RBFOX1: variants seen among roughly 807,000 people sequenced by gnomAD.
RBFOX1 encodes RNA binding protein fox-1 homolog 1.
RBFOX1 carries 8 observed loss-of-function variants against 57.7 expected under a neutral mutation model. The observed-to-expected ratio is 0.14, with a 90% CI of 0.08 to 0.25. The LOEUF is 0.25. Among genes scored for constraint, RBFOX1 ranks in the 10% least tolerant of loss-of-function variants. RBFOX1 has a pLI of 1.00. For missense variants in RBFOX1, 611 were observed against 548.5 expected (o/e 1.11, Z -1.14); for synonymous variants, 326 against 222.4 (o/e 1.47, Z -4.15).
At chr16:7,437,374 C>T (rs1362025339) in intron 4 of RBFOX1, among the ~76,000 whole-genome samples, 1 of 151,738 alleles carries the variant, frequency 6.6e-6, no homozygotes, top group Admixed American at 6.6e-5. Flanking sequence ...CTACTTCCAT[C>T]GCACAGTGAA....
At chr16:7,152,381 C>T (rs1386293990) in intron 4 of RBFOX1, among the ~76,000 whole-genome samples, 1 of 152,300 alleles carries the variant, frequency 6.6e-6, no homozygotes, top group Admixed American at 6.5e-5. Context: ...TGGTTGCATC[C>T]AGTACCTAAT....
intron 4 of RBFOX1, among the ~76,000 whole-genome samples, chr16:7,192,248 C>G (rs2085579928): frequency 6.6e-6 from 1 of 152,192 alleles, no homozygotes; most frequent in Admixed American, 6.5e-5. Flanking sequence ...TCTTGGTAGC[C>G]TGTTGATGTT....
intron 4 of RBFOX1, among the ~76,000 whole-genome samples, chr16:7,128,092 C>T (rs1321162264): frequency 6.6e-6 from 1 of 152,218 alleles, no homozygotes; most frequent in East Asian, 1.9e-4. Flanking sequence ...AGTGATGCAG[C>T]AGCTCCAGGC....
intron 4 of RBFOX1, among the ~76,000 whole-genome samples, chr16:7,222,074 T>C (rs1342629549): frequency 6.6e-6 from 1 of 152,218 alleles, no homozygotes; most frequent in African/African-American, 2.4e-5. Context: ...TTTTGAATAC[T>C]CTGTGTCACT....
chr16:5,937,293 A>G (rs1269678320), intron 4 of RBFOX1, among the ~76,000 whole-genome samples: 1 of 152,198 alleles, frequency 6.6e-6, no homozygotes, highest in Non-Finnish European at 1.5e-5. Context: ...CAAACTTGGC[A>G]AACACTGGAA....
At chr16:6,417,100 C>T (rs1287783951) in intron 2 of RBFOX1, among the ~76,000 whole-genome samples, 1 of 152,158 alleles carries the variant, frequency 6.6e-6, no homozygotes, top group African/African-American at 2.4e-5. Flanking sequence ...CATCCTCTGC[C>T]TCCCGGGTTC....
intron 2 of RBFOX1, among the ~76,000 whole-genome samples, chr16:5,573,264 G>T (rs1482142722): frequency 6.6e-6 from 1 of 152,164 alleles, no homozygotes; most frequent in East Asian, 1.9e-4. Context: ...GGCTGCTGGT[G>T]GGGACGCTGT....
At chr16:6,829,167 C>T (rs530358750) in intron 3 of RBFOX1, among the ~76,000 whole-genome samples, 5 of 148,682 alleles carry the variant, frequency 3.4e-5, no homozygotes, top group African/African-American at 1.2e-4. Context: ...GTAGAAGTTT[C>T]AAGAAACCAA....
chr16:6,645,886 C>G (rs1437985031), intron 2 of RBFOX1, among the ~76,000 whole-genome samples: 3 of 152,124 alleles, frequency 2.0e-5, no homozygotes, highest in African/African-American at 7.2e-5. Context: ...CAAACTCGGC[C>G]TCCTTGTGCA....
chr16:6,837,182 A>T (rs1025153735), intron 3 of RBFOX1, among the ~76,000 whole-genome samples: 1 of 152,366 alleles, frequency 6.6e-6, no homozygotes, highest in Non-Finnish European at 1.5e-5. Context: ...AAATAACTAA[A>T]ATCAGGTTAG....
intron 3 of RBFOX1, among the ~76,000 whole-genome samples, chr16:6,658,321 A>T (rs1428978864): frequency 6.7e-6 from 1 of 149,576 alleles, no homozygotes; most frequent in Non-Finnish European, 1.5e-5. Flanking sequence ...GCTCATTGCA[A>T]CCTCCGCCTC....
intron 1 of RBFOX1, among the ~76,000 whole-genome samples, chr16:5,264,508 G>A (rs1422995992): frequency 6.6e-6 from 1 of 152,206 alleles, no homozygotes; most frequent in Non-Finnish European, 1.5e-5. Context: ...GCCCATTGGT[G>A]AAAGACCACC....
At chr16:5,589,659 G>C (rs554820131) in intron 2 of RBFOX1, among the ~76,000 whole-genome samples, 1 of 152,312 alleles carries the variant, frequency 6.6e-6, no homozygotes, top group Admixed American at 6.5e-5. Context: ...GTAACCTTTG[G>C]CAAAGTCCAT....
chr16:7,285,450 A>T (rs1176254722), intron 4 of RBFOX1, among the ~76,000 whole-genome samples: 3 of 151,872 alleles, frequency 2.0e-5, no homozygotes, highest in Non-Finnish European at 4.4e-5. Context: ...ATTTTACCGC[A>T]CATGTAGGTC....
At chr16:6,243,561 C>T (rs746893862) in intron 1 of RBFOX1, among the ~76,000 whole-genome samples, 1 of 152,168 alleles carries the variant, frequency 6.6e-6, no homozygotes, top group Non-Finnish European at 1.5e-5. Context: ...CAGCAAGAAG[C>T]AGGGTATCAT....
chr16:7,068,024 C>T (rs939399886), intron 4 of RBFOX1, among the ~76,000 whole-genome samples: 6 of 148,162 alleles, frequency 4.0e-5, no homozygotes, highest in African/African-American at 2.5e-5. Flanking sequence ...TCATGAATCA[C>T]TCTCATGGTT....
intron 1 of RBFOX1, among the ~76,000 whole-genome samples, chr16:5,464,387 A>G (rs2068889919): frequency 6.6e-6 from 1 of 152,228 alleles, no homozygotes; most frequent in African/African-American, 2.4e-5. Context: ...GCATAGAGAA[A>G]GGAGGAAACG....
chr16:7,276,301 A>T (rs974814265), intron 4 of RBFOX1, among the ~76,000 whole-genome samples: 1 of 152,082 alleles, frequency 6.6e-6, no homozygotes, highest in African/African-American at 2.4e-5. Flanking sequence ...CTCCTTCCTG[A>T]TGGCTCTATA....
chr16:6,554,334 G>T (rs2097053440), intron 2 of RBFOX1, among the ~76,000 whole-genome samples: 1 of 152,136 alleles, frequency 6.6e-6, no homozygotes, highest in African/African-American at 2.4e-5. Flanking sequence ...GAAGTGTTGG[G>T]AATAGGCAAG....
Sources: gnomAD v4.1 joint callset for allele counts (sites outside exome capture counted in the v4.1 genomes callset) on GRCh38, gnomAD v4.1.1 for gene constraint, MANE v1.5 for transcripts, NCBI Gene and HGNC (gene_info 2026-07-23, HGNC 2026-07-21) for gene names.